NADK2: variants seen among roughly 807,000 people sequenced by gnomAD.
NADK2 encodes the protein NAD kinase domain-containing protein 1, mitochondrial.
NADK2 carries 35 observed loss-of-function variants against 62.1 expected under a neutral mutation model. The observed-to-expected ratio is 0.56, with a 90% CI of 0.43 to 0.75. The LOEUF is 0.75. NADK2 is among the 30% of genes least tolerant of loss of function. The probability of loss-of-function intolerance (pLI) is 0.00; values close to 1 mark genes in which losing one functional copy is unlikely to be tolerated. For synonymous variants in NADK2, 205 were observed against 207.9 expected (o/e 0.99, Z 0.12); for missense variants, 439 against 561.3 (o/e 0.78, Z 2.20).
At chr5:36,226,343 C>T (rs576814762) in intron 3 of NADK2, 132 bp downstream of exon 3, 55 of 617,972 alleles carry the variant, frequency 8.9e-5, no homozygotes, top group Admixed American at 7.6e-4. Flanking sequence ...TAAACTTGAT[C>T]GTAACAATCC....
At chr5:36,200,395 A>G in intron 9 of NADK2, 115 bp from the exon 10 acceptor site, 1 of 425,176 alleles carries the variant, frequency 2.4e-6, no homozygotes, top group Non-Finnish European at 3.8e-6. Flanking sequence ...ATATATATAT[A>G]TGTTATTATG....
intron 8 of NADK2, 38 bp downstream of exon 8, chr5:36,207,132 T>C: frequency 6.6e-7 from 1 of 1,526,496 alleles, no homozygotes; most frequent in Non-Finnish European, 9.1e-7. Context: ...CTAAAAGTAT[T>C]TCACAAAACT....
At chr5:36,223,825 G>A (rs534101264) in intron 4 of NADK2, among the ~76,000 whole-genome samples, 35 of 152,268 alleles carry the variant, frequency 2.3e-4, no homozygotes, top group African/African-American at 7.2e-4. Context: ...TAATAACCAA[G>A]AGAGTGACAC....
chr5:36,227,522 T>C lies in NADK2; in HGVS notation c.344A>G (p.His115Arg). 1 of 1,559,936 alleles carries C rather than the reference T, an allele frequency of 6.4e-7. No homozygotes were observed. Among genetic ancestry groups the C allele is most frequent in the Non-Finnish European group, 8.7e-7 (1 of 1,152,458 alleles). Residue 115 changes from histidine to arginine, a missense_variant, in exon 2 of 12, where the codon CAT becomes CGT. Transcript: ENST00000381937. The stretch of plus-strand genomic sequence containing the variant: ...TTCTACATTTTTGGTGTGAATATGA[T>C]GTCGTTCAAGAAGTCCACTGTAACT... The part of the protein sequence containing the change: ...GSSYSGLLER[H>R]HIHTKNVEHI...
In NADK2 at chr5:36,217,789, T is replaced by A; in HGVS notation, c.740A>T (p.Gln247Leu). 6.2e-7 allele frequency: 1 copy of A among 1,614,036 alleles called. No individual in the cohort carries two copies. The highest frequency in any genetic ancestry group is 1.1e-5 in the South Asian group (1 of 91,084). ...DLHEQQLSLN[Q>L]HNRALNIERA... ...TTCAATGTTAAGGGCTCTATTGTGC[T>A]GATTCAAGCTTAGCTGCTGCTCGTG... Residue 247 changes from glutamine to leucine, a missense_variant, in exon 6 of 12, where the codon CAG becomes CTG. By Grantham distance (113) the Gln-to-Leu change is moderately radical. Transcript: ENST00000381937.
chr5:36,196,645 C>G (rs1307535775), intron 11 of NADK2, among the ~76,000 whole-genome samples: 3 of 152,098 alleles, frequency 2.0e-5, no homozygotes, highest in African/African-American at 7.2e-5. Context: ...ATTTGTCAAT[C>G]TTTTGTTGTT....
intron 4 of NADK2, chr5:36,221,981 T>G (rs936369398): frequency 6.6e-6 from 1 of 151,978 alleles, no homozygotes; most frequent in African/African-American, 2.4e-5. Flanking sequence ...AATCACTGAA[T>G]CAATCATTCA....
At chr5:36,228,018 T>G (rs73080038) in intron 1 of NADK2, among the ~76,000 whole-genome samples, 3,157 of 152,126 alleles carry the variant, frequency 0.021, 109 homozygotes, top group African/African-American at 0.072. Flanking sequence ...AAAGATAAAC[T>G]AATACTTGTA....
intron 1 of NADK2, among the ~76,000 whole-genome samples, chr5:36,238,792 A>C (rs1338457652): frequency 6.6e-6 from 1 of 152,232 alleles, no homozygotes; most frequent in East Asian, 1.9e-4. Context: ...ATCAATGGGG[A>C]AAAAGACAAG....
chr5:36,237,058 A>T (rs575380184), intron 1 of NADK2, among the ~76,000 whole-genome samples: 2 of 152,302 alleles, frequency 1.3e-5, no homozygotes, highest in East Asian at 3.9e-4. Flanking sequence ...AAGTCCCCTT[A>T]TACAGGGCTG....
At chr5:36,226,888 A>T (rs1307664380) in intron 2 of NADK2, among the ~76,000 whole-genome samples, 1 of 152,172 alleles carries the variant, frequency 6.6e-6, no homozygotes, top group Non-Finnish European at 1.5e-5. Flanking sequence ...TTAAATTCAT[A>T]ATACAAAAAT....
At chr5:36,224,403 A>G (rs1355616587) in intron 4 of NADK2, among the ~76,000 whole-genome samples, 2 of 152,068 alleles carry the variant, frequency 1.3e-5, no homozygotes, top group Non-Finnish European at 2.9e-5. Flanking sequence ...CTAAAAGTAC[A>G]AAAATTAGCC....
rs115356464 is a variant in NADK2 at position 36,216,024 on chromosome 5, A to C, written c.781+1724T>G. 8.6e-3 allele frequency among the ~76,000 whole-genome samples: 1,317 copies of C among 152,302 alleles called. 25 individuals are homozygous for C. Among genetic ancestry groups the C allele is most frequent in the African/African-American group, 0.03 (1,257 of 41,556 alleles). ...TTGAGAAACCTTCATGCTGTTTTCC[A>C]TAATGGCTTTACTTATTTACATTAC... On this transcript the variant is annotated intron_variant, in intron 6 of 11. Transcript: ENST00000381937.
intron 8 of NADK2, among the ~76,000 whole-genome samples, chr5:36,202,103 A>G (rs923103696): frequency 1.3e-5 from 2 of 152,056 alleles, no homozygotes; most frequent in Admixed American, 1.3e-4. Flanking sequence ...AGTGAGAGTA[A>G]GAGATACTCT....
chr5:36,225,493 T>C, intron 4 of NADK2, 49 bp downstream of exon 4: 1 of 1,517,300 alleles, frequency 6.6e-7, no homozygotes, highest in Non-Finnish European at 9.0e-7. Context: ...AAAAAAAACT[T>C]AAAAAGCACA....
At chr5:36,197,940 C>G (rs547189456) in intron 10 of NADK2, among the ~76,000 whole-genome samples, 10 of 152,058 alleles carry the variant, frequency 6.6e-5, no homozygotes, top group Admixed American at 1.3e-4. Context: ...ATAAAAAACA[C>G]TAGCTTCAAA....
intron 1 of NADK2, among the ~76,000 whole-genome samples, chr5:36,235,241 T>C (rs1747858319): frequency 1.3e-5 from 2 of 152,270 alleles, no homozygotes; most frequent in South Asian, 4.1e-4. Flanking sequence ...GAGTTAAAAA[T>C]CAACATATTT....
At chr5:36,203,695 A>C (rs1435045711) in intron 8 of NADK2, among the ~76,000 whole-genome samples, 1 of 152,132 alleles carries the variant, frequency 6.6e-6, no homozygotes, top group Admixed American at 6.6e-5. Flanking sequence ...GGAATGCTTT[A>C]AAAGCATTGT....
chr5:36,195,424 T>A, intron 11 of NADK2, 142 bp from the exon 12 acceptor site: 1 of 820,412 alleles, frequency 1.2e-6, no homozygotes, highest in South Asian at 2.1e-5. Context: ...AGTCACTATG[T>A]AAATATATGG....
Sources: gnomAD v4.1 joint callset for allele counts (sites outside exome capture counted in the v4.1 genomes callset) on GRCh38, gnomAD v4.1.1 for gene constraint, MANE v1.5 for transcripts, NCBI Gene and HGNC (gene_info 2026-07-23, HGNC 2026-07-21) for gene names.